The following NUP133 variants were observed in gnomAD, a reference collection of about 807,000 sequenced individuals.
NUP133 encodes the protein nuclear pore complex protein Nup133.
In NUP133, 66 loss-of-function variants were observed where a neutral mutation model predicts 146.2. The ratio of observed to expected loss-of-function variants is 0.45; its 90% CI spans 0.37 to 0.55. The LOEUF (loss-of-function observed/expected upper bound fraction) is 0.55. Among genes scored for constraint, NUP133 ranks in the 20% least tolerant of loss-of-function variants. The pLI, the probability that NUP133 is intolerant of heterozygous loss-of-function variation, is 0.00. For synonymous variants in NUP133, 521 were observed against 498.8 expected (o/e 1.04, Z -0.59); for missense variants, 1,277 against 1,374.8 (o/e 0.93, Z 1.12).
At position 229,444,965 on chromosome 1, in the gene NUP133, C is replaced by T. The variant is rs754607525; in HGVS notation, c.3283G>A (p.Val1095Ile). Residue 1095 changes from valine (V) to isoleucine (I), a missense_variant, in exon 25 of 26, where the codon GTA becomes ATA. Physicochemically the swap from Val to Ile is conservative, Grantham distance 29 (BLOSUM62 3). This residue lies in a region of NUP133 where 952 missense variants were observed against 1,047.0 expected (regional missense o/e 0.91). Coordinates refer to ENST00000261396, the MANE Select transcript of NUP133 (RefSeq NM_018230.3). ...SSDGKDDPIE[V>I]SKDSIFVKIL... is the part of the protein sequence containing the mutation. ...TTCACAAATATACTGTCTTTAGATA[C>T]TTCAATTGGATCATCTTTGCCATCA... 1.9e-6 allele frequency: 3 copies of T among 1,612,504 alleles called. No homozygotes were observed. Among genetic ancestry groups the T allele is most frequent in the Non-Finnish European group, 2.5e-6 (3 of 1,179,160 alleles).
In NUP133 at chr1:229,441,887, G is replaced by A. The variant is rs1209767744; in HGVS notation, c.*17C>T. 3 of 1,546,774 alleles carry A rather than the reference G, an allele frequency of 1.9e-6. No homozygotes were observed. Among genetic ancestry groups the A allele is most frequent in the East Asian group, 2.3e-5 (1 of 42,648 alleles). On this transcript the variant is annotated 3_prime_UTR_variant, in exon 26 of 26. Transcript: ENST00000261396. ...ACTTATACAGATTTCATAAACAATGGCCATTTTTAGAAAAAGTTATATTTG... is the reference window on the plus strand; with the variant it reads ...ACTTATACAGATTTCATAAACAATGACCATTTTTAGAAAAAGTTATATTTG...
chr1:229,460,956 G>C (rs879411980), intron 19 of NUP133, among the ~76,000 whole-genome samples, 187 bp from the exon 20 acceptor site: 5 of 152,158 alleles, frequency 3.3e-5, no homozygotes, highest in Admixed American at 3.3e-4. Context: ...GATTCAGAAA[G>C]GGCATCTTGC....
rs746149613 is a variant in NUP133 at position 229,444,896 on chromosome 1, T to G, written c.3334+18A>C. 1 of 1,531,968 alleles carries G rather than the reference T, an allele frequency of 6.5e-7. No homozygotes were observed. Among genetic ancestry groups the G allele is most frequent in the Admixed American group, 1.7e-5 (1 of 57,964 alleles). The allele number at this position is 1,531,968 out of a possible 1,614,324, so 94.9% of individuals were successfully genotyped here. ...AATGACACTGTAATTTCCAACGGTA[T>G]AGTAACAAACCACTTACCATCTTTT... On this transcript the variant is annotated intron_variant, in intron 25 of 25. Transcript: ENST00000261396.
intron 15 of NUP133, among the ~76,000 whole-genome samples, chr1:229,469,297 C>T (rs751092442): frequency 1.1e-4 from 16 of 152,240 alleles, no homozygotes; most frequent in Non-Finnish European, 2.1e-4. Flanking sequence ...CCTCATCAGG[C>T]TGTGAAGCTT....
In NUP133 at chr1:229,453,459, G is replaced by A. The variant is rs114453535; in HGVS notation, c.2981-816C>T. 4.7e-3 allele frequency among the ~76,000 whole-genome samples: 681 copies of A among 144,294 alleles called. 2 individuals are homozygous for A. The highest frequency in any genetic ancestry group is 7.1e-3 in the Non-Finnish European group (483 of 67,828). 94.7% of individuals were successfully genotyped at this position (144,294 alleles called of 152,430 possible). Reference sequence around the variant, plus strand: ...CTCAAGGTGTTATTTAAGGTTTATGGTATTGCATTAAACACAGGAAAAAAT... The same window carrying A: ...CTCAAGGTGTTATTTAAGGTTTATGATATTGCATTAAACACAGGAAAAAAT... On this transcript the variant is annotated intron_variant, in intron 21 of 25. Coordinates refer to ENST00000261396, the MANE Select transcript of NUP133 (RefSeq NM_018230.3).
chr1:229,451,891 C>T (rs1660457918), intron 22 of NUP133, among the ~76,000 whole-genome samples: 1 of 152,150 alleles, frequency 6.6e-6, no homozygotes, highest in East Asian at 1.9e-4. Flanking sequence ...TAGAGAGTAA[C>T]TTCCATTTCC....
At chr1:229,479,837 C>A (rs1323452617) in intron 12 of NUP133, among the ~76,000 whole-genome samples, 1 of 152,100 alleles carries the variant, frequency 6.6e-6, no homozygotes, top group Non-Finnish European at 1.5e-5. Flanking sequence ...TGGTCGACAA[C>A]TGAGAATGTA....
chr1:229,460,540 C>T (rs1488701351), intron 20 of NUP133, 71 bp downstream of exon 20: 2 of 1,468,582 alleles, frequency 1.4e-6, no homozygotes, highest in African/African-American at 1.4e-5. Flanking sequence ...ATTTTAATTA[C>T]TAAAAACAAA....
intron 20 of NUP133, among the ~76,000 whole-genome samples, chr1:229,458,933 G>A (rs1660629234): frequency 6.6e-6 from 1 of 151,950 alleles, no homozygotes; most frequent in African/African-American, 2.4e-5. Context: ...AATTAAGAAT[G>A]TTTTATGCAA....
At chr1:229,489,391 T>C (rs556181561) in intron 9 of NUP133, among the ~76,000 whole-genome samples, 1 of 152,248 alleles carries the variant, frequency 6.6e-6, no homozygotes, top group East Asian at 1.9e-4. Context: ...GACATGACAA[T>C]CCCTCCAAAG....
chr1:229,466,806 G>T, intron 15 of NUP133, 50 bp from the exon 16 acceptor site: 1 of 1,589,418 alleles, frequency 6.3e-7, no homozygotes, highest in South Asian at 1.1e-5. Context: ...TTATGGTGAT[G>T]GGTAACAACT....
At chr1:229,462,132 C>T (rs1283874937) in intron 19 of NUP133, among the ~76,000 whole-genome samples, 3 of 152,240 alleles carry the variant, frequency 2.0e-5, no homozygotes, top group African/African-American at 7.2e-5. Context: ...GATCTGCCCA[C>T]CTCGGCCTCC....
At chr1:229,507,676 C>CT (rs1420896988) in intron 1 of NUP133, among the ~76,000 whole-genome samples, 3 of 152,188 alleles carry the variant, frequency 2.0e-5, no homozygotes, top group Admixed American at 2.0e-4. Flanking sequence ...TCACCATCAC[C>CT]TTACATCTGC....
chr1:229,485,280 T>C (rs924167880), intron 11 of NUP133, among the ~76,000 whole-genome samples: 3 of 152,154 alleles, frequency 2.0e-5, no homozygotes, highest in African/African-American at 7.2e-5. Flanking sequence ...CACCTATGCA[T>C]GGTGCAGAGG....
chr1:229,496,129 C>T (rs1661649883), intron 6 of NUP133, 82 bp from the exon 7 acceptor site: 1 of 1,068,794 alleles, frequency 9.4e-7, no homozygotes, highest in East Asian at 2.8e-5. Flanking sequence ...TCAAATTTCA[C>T]ATATGTGATT....
intron 24 of NUP133, among the ~76,000 whole-genome samples, chr1:229,448,126 A>T (rs991841003): frequency 2.0e-5 from 3 of 152,220 alleles, no homozygotes; most frequent in Non-Finnish European, 4.4e-5. Flanking sequence ...AAGTTACCTT[A>T]TATAGTCTAA....
At chr1:229,464,164 A>G (rs892004123) in intron 18 of NUP133, among the ~76,000 whole-genome samples, 1 of 151,992 alleles carries the variant, frequency 6.6e-6, no homozygotes, top group African/African-American at 2.4e-5. Context: ...AAAAGATGCA[A>G]ATTCAGACCC....
intron 12 of NUP133, among the ~76,000 whole-genome samples, chr1:229,480,813 A>G (rs1403063435): frequency 1.3e-5 from 2 of 150,040 alleles, no homozygotes; most frequent in African/African-American, 4.9e-5. Context: ...CAGTCTCCTG[A>G]GTAGCTGAGA....
chr1:229,475,675 A>ATC lies in NUP133; in HGVS notation c.1812_1813dup (p.Met605ArgfsTer2). 1 of 1,614,176 alleles carries ATC rather than the reference A, an allele frequency of 6.2e-7. No individual in the cohort carries two copies. Among genetic ancestry groups the ATC allele is most frequent in the Non-Finnish European group, 8.5e-7 (1 of 1,179,988 alleles). ...GTCCATAAGAAAAGAGTGAGCTTTC[A>ATC]TCTTGTCTTCTAGCTGGTGAAGGAT... is the stretch of plus-strand genomic sequence containing the variant. On this transcript the variant is annotated frameshift_variant, in exon 14 of 26. Coordinates refer to ENST00000261396, the MANE Select transcript of NUP133 (RefSeq NM_018230.3). LOFTEE classifies it high-confidence loss of function.
Sources: allele counts gnomAD v4.1 joint callset (sites outside exome capture counted in the v4.1 genomes callset), GRCh38; gene constraint gnomAD v4.1.1; regional missense constraint gnomAD v4.1.1; transcripts MANE v1.5; gene names NCBI Gene and HGNC (gene_info 2026-07-23, HGNC 2026-07-21).